The following ADGRV1 variants were observed in gnomAD, a reference collection of about 807,000 sequenced individuals.
ADGRV1 encodes the protein G-protein coupled receptor 98.
In ADGRV1, 359 loss-of-function variants were observed where a neutral mutation model predicts 596.2. That is an observed-to-expected ratio of 0.60 (90% CI 0.55 to 0.66). The LOEUF (loss-of-function observed/expected upper bound fraction) is 0.66. Ranked by LOEUF, ADGRV1 falls within the 30% of genes least tolerant of loss-of-function variation. ADGRV1 has a pLI of 0.00. For synonymous variants in ADGRV1, 2,681 were observed against 2,679.2 expected, an observed-to-expected ratio of 1.00 and a Z score of -0.02; for missense variants, 7,274 against 7,575.6, an observed-to-expected ratio of 0.96 and a Z score of 1.48.
At chr5:90,632,437 T>C (rs1308823633) in intron 9 of ADGRV1, among the ~76,000 whole-genome samples, 2 of 152,184 alleles carry the variant, frequency 1.3e-5, no homozygotes, top group Non-Finnish European at 2.9e-5. Context: ...AAACTAGTTT[T>C]TACTGTGGAT....
At chr5:91,146,964 C>T (rs1276776619) in intron 87 of ADGRV1, among the ~76,000 whole-genome samples, 2 of 152,038 alleles carry the variant, frequency 1.3e-5, no homozygotes, top group Admixed American at 6.6e-5. Context: ...GGATTCAAGA[C>T]CAGCCTGGGC....
intron 77 of ADGRV1, among the ~76,000 whole-genome samples, chr5:90,834,564 C>CT (rs572952573): frequency 0.015 from 2,172 of 145,346 alleles, 27 homozygotes; most frequent in Non-Finnish European, 0.021. Flanking sequence ...TTTTAGGATT[C>CT]TTTTTTTTTT....
chr5:91,000,094 C>A (rs1377059937), intron 85 of ADGRV1, among the ~76,000 whole-genome samples: 1 of 152,056 alleles, frequency 6.6e-6, no homozygotes, highest in Non-Finnish European at 1.5e-5. Flanking sequence ...GTATCCTCAT[C>A]ATTCAGATAT....
At position 90,815,724 on chromosome 5, in the gene ADGRV1, G is replaced by A; in HGVS notation, c.16184G>A (p.Arg5395Lys). 1 of 1,542,254 alleles carries A rather than the reference G, an allele frequency of 6.5e-7. No homozygotes were observed. The highest frequency in any genetic ancestry group is 8.8e-7 in the Non-Finnish European group (1 of 1,133,040). ...VMRRLHLIVTRQPNRAFEDVK... is the reference protein window; with the variant it reads ...VMRRLHLIVTKQPNRAFEDVK... Reference sequence around the variant, plus strand: ...AGAAGATTGCACCTTATTGTCACAAGACAGCCAAACAGGTATGTGTATATA... The same window carrying A: ...AGAAGATTGCACCTTATTGTCACAAAACAGCCAAACAGGTATGTGTATATA... The change falls in exon 75 of 90, where the codon AGA becomes AAA. Residue 5395 changes from arginine to lysine, a missense_variant. Coordinates refer to ENST00000405460, the MANE Select transcript of ADGRV1 (RefSeq NM_032119.4).
chr5:91,050,418 T>G (rs1166939877), intron 85 of ADGRV1, among the ~76,000 whole-genome samples: 1 of 152,186 alleles, frequency 6.6e-6, no homozygotes, highest in Admixed American at 6.5e-5. Context: ...CTTATCCTAT[T>G]TTATTTTTCC....
intron 83 of ADGRV1, chr5:90,899,087 T>C (rs1236997055): frequency 6.6e-6 from 1 of 152,228 alleles, no homozygotes. Context: ...CTTTCTTATG[T>C]AAATATAAAG....
In ADGRV1 at chr5:90,823,440, C is replaced by T. The variant is rs759436638; in HGVS notation, c.16212C>T (p.Val5404=). ...TRQPNRAFED[V]KVFWRVTLNK... ...TTGCTCACAGGGCCTTTGAAGATGT[C>T]AAGGTCTTTTGGCGAGTCACACTTA... is the stretch of plus-strand genomic sequence containing the variant. Residue 5404 remains valine, a synonymous_variant, in exon 76 of 90, where the codon GTC becomes GTT. Transcript: ENST00000405460. The T allele has an allele frequency of 2.5e-6, 4 of 1,613,732 alleles. No individual in the cohort carries two copies. The Admixed American group carries it at 6.7e-5, about 27-fold the overall frequency.
chr5:90,872,567 T>A (rs887778276), intron 83 of ADGRV1, among the ~76,000 whole-genome samples: 2 of 152,138 alleles, frequency 1.3e-5, no homozygotes, highest in African/African-American at 4.8e-5. Flanking sequence ...ACAGAGACAC[T>A]TATTTAATGA....
chr5:90,587,756 A>G (rs1758965519), intron 1 of ADGRV1, among the ~76,000 whole-genome samples: 1 of 151,766 alleles, frequency 6.6e-6, no homozygotes, highest in Admixed American at 6.6e-5. Flanking sequence ...ATGAGGTTTC[A>G]CCATGTTGGC....
At chr5:90,977,910 G>A (rs536739224) in intron 84 of ADGRV1, among the ~76,000 whole-genome samples, 14 of 152,138 alleles carry the variant, frequency 9.2e-5, no homozygotes, top group East Asian at 3.9e-4. Context: ...CGTTTCCTCC[G>A]GTGTAAACAG....
chr5:90,763,289 A>T lies in ADGRV1; in HGVS notation c.12121-16A>T. The T allele has an allele frequency of 1.1e-5, 16 of 1,478,252 alleles. 1 individual carries two copies. The highest frequency in any genetic ancestry group is 2.8e-5 in the African/African-American group (2 of 70,878). The allele number at this position is 1,478,252 out of a possible 1,614,324, so 91.6% of individuals were successfully genotyped here. On this transcript the variant is annotated splice_polypyrimidine_tract_variant and intron_variant, in intron 58 of 89. Transcript: ENST00000405460. ...TTTTTTTTTTTGTTTGGCCTTACTG[A>T]ATTTTCTTCTTTCAGGTAATGATTG...
At chr5:91,140,530 C>T (rs1795009974) in intron 87 of ADGRV1, among the ~76,000 whole-genome samples, 1 of 152,126 alleles carries the variant, frequency 6.6e-6, no homozygotes, top group Non-Finnish European at 1.5e-5. Context: ...ACAATACCAA[C>T]TCAATTCTTT....
At position 90,642,852 on chromosome 5, in the gene ADGRV1, A is replaced by G; in HGVS notation, c.2368-4A>G. 1.9e-6 allele frequency: 3 copies of G among 1,597,736 alleles called. No homozygotes were observed. Among genetic ancestry groups the G allele is most frequent in the Non-Finnish European group, 2.6e-6 (3 of 1,173,566 alleles). ...TTTCAACTTTTGTGGATTTGTTTTT[A>G]AAGGAAGGAGAATCTGTAGAGCTCC... On this transcript the variant is annotated splice_region_variant and splice_polypyrimidine_tract_variant and intron_variant, in intron 12 of 89. Coordinates refer to ENST00000405460, the MANE Select transcript of ADGRV1 (RefSeq NM_032119.4).
intron 87 of ADGRV1, among the ~76,000 whole-genome samples, chr5:91,105,368 T>A (rs192858483): frequency 9.2e-5 from 14 of 152,336 alleles, no homozygotes. Flanking sequence ...GTGGGATGGC[T>A]GGATCATATG....
In ADGRV1 at chr5:90,852,370, T is replaced by C. The variant is rs565800692; in HGVS notation, c.17205-914T>C. Among the ~76,000 whole-genome samples the C allele has an allele frequency of 2.6e-5, 4 of 152,324 alleles. No homozygotes were observed. The South Asian group carries it at 8.3e-4, about 32-fold the overall frequency. ...GACGTAGTTGTACATACTCTACATC[T>C]ATTGTGACATATATAACTTTTAACA... On this transcript the variant is annotated intron_variant, in intron 79 of 89. Transcript: ENST00000405460.
At chr5:91,130,654 TG>T (rs1201211463) in intron 87 of ADGRV1, among the ~76,000 whole-genome samples, 1 of 152,058 alleles carries the variant, frequency 6.6e-6, no homozygotes. Context: ...TTAGATTCAG[TG>T]GGTACATGTG....
chr5:90,698,706 T>C (rs1270653847), intron 34 of ADGRV1, among the ~76,000 whole-genome samples: 3 of 152,002 alleles, frequency 2.0e-5, no homozygotes, highest in Non-Finnish European at 2.9e-5. Context: ...ATGATGACTT[T>C]TGTGGACAGA....
intron 87 of ADGRV1, among the ~76,000 whole-genome samples, chr5:91,121,719 A>G (rs1488827783): frequency 6.6e-6 from 1 of 151,628 alleles, no homozygotes; most frequent in Non-Finnish European, 1.5e-5. Flanking sequence ...TTTCCCAGAG[A>G]GAAGATGACA....
intron 83 of ADGRV1, among the ~76,000 whole-genome samples, chr5:90,945,090 T>A (rs972525919): frequency 1.3e-5 from 2 of 152,134 alleles, no homozygotes; most frequent in African/African-American, 4.8e-5. Flanking sequence ...ACCAACACAA[T>A]CATGGTTATA....
Sources: gnomAD v4.1 joint callset for allele counts (sites outside exome capture counted in the v4.1 genomes callset) on GRCh38, gnomAD v4.1.1 for gene constraint, MANE v1.5 for transcripts, NCBI Gene and HGNC (gene_info 2026-07-23, HGNC 2026-07-21) for gene names.